ASCC3: variants seen among roughly 807,000 people sequenced by gnomAD.
ASCC3 encodes ASC-1 complex subunit P200.
ASCC3 carries 158 observed loss-of-function variants against 256.3 expected under a neutral mutation model. That is an observed-to-expected ratio of 0.62 (90% CI 0.54 to 0.70). The LOEUF (loss-of-function observed/expected upper bound fraction) is 0.70. ASCC3 is among the 30% of genes least tolerant of loss of function. The probability of loss-of-function intolerance (pLI) is 0.00; values close to 1 mark genes in which losing one functional copy is unlikely to be tolerated. For missense variants in ASCC3, 2,259 were observed against 2,626.0 expected (o/e 0.86, Z 3.05); for synonymous variants, 948 against 883.4 (o/e 1.07, Z -1.30).
intron 1 of ASCC3, among the ~76,000 whole-genome samples, chr6:100,878,604 T>G (rs1471237415): frequency 6.6e-6 from 1 of 152,172 alleles, no homozygotes; most frequent in African/African-American, 2.4e-5. Context: ...CAGTATGTAT[T>G]ATAACTCTTC....
At chr6:100,516,846 C>T (rs1458557620) in intron 38 of ASCC3, among the ~76,000 whole-genome samples, 1 of 152,008 alleles carries the variant, frequency 6.6e-6, no homozygotes, top group Non-Finnish European at 1.5e-5. Context: ...ATTGAAATTA[C>T]ATTAATACAG....
chr6:100,668,671 G>T (rs1445418345), intron 14 of ASCC3, among the ~76,000 whole-genome samples: 1 of 151,768 alleles, frequency 6.6e-6, no homozygotes, highest in Non-Finnish European at 1.5e-5. Flanking sequence ...AAATAGTAAA[G>T]AACTTTAGAA....
intron 36 of ASCC3, among the ~76,000 whole-genome samples, chr6:100,588,757 CTG>C (rs928460928): frequency 6.6e-6 from 1 of 151,948 alleles, no homozygotes; most frequent in Non-Finnish European, 1.5e-5. Context: ...AATTGAAAAA[CTG>C]TGAATGGGAT....
intron 14 of ASCC3, among the ~76,000 whole-genome samples, chr6:100,668,084 C>T (rs1044619866): frequency 8.6e-5 from 13 of 151,994 alleles, no homozygotes; most frequent in African/African-American, 3.1e-4. Flanking sequence ...TGGAAAACAG[C>T]CATATCAATT....
At chr6:100,684,627 G>A (rs1201031897) in intron 13 of ASCC3, among the ~76,000 whole-genome samples, 1 of 115,426 alleles carries the variant, frequency 8.7e-6, no homozygotes, top group East Asian at 2.8e-4. Context: ...TGACAACTAT[G>A]CACTTGTTTA....
At chr6:100,713,336 A>G (rs965172346) in intron 13 of ASCC3, among the ~76,000 whole-genome samples, 1 of 152,148 alleles carries the variant, frequency 6.6e-6, no homozygotes, top group African/African-American at 2.4e-5. Context: ...GCTACATACT[A>G]TGTGGTTCCA....
chr6:100,510,142 T>C lies in ASCC3; in HGVS notation c.6286-35A>G, dbSNP rs188528168. On this transcript the variant is annotated intron_variant, in intron 40 of 41. Coordinates refer to ENST00000369162, the MANE Select transcript of ASCC3 (RefSeq NM_006828.4). The stretch of plus-strand genomic sequence containing the variant: ...AGAAAAAAAGATACAACATTAAAAA[T>C]ATCTAGACTTCCTATACCACTTGGT... 288 of 1,610,832 alleles carry C rather than the reference T, an allele frequency of 1.8e-4. 4 individuals carry two copies. In the Admixed American group the frequency reaches 4.8e-3, roughly 27 times the overall value.
At chr6:100,779,954 T>A (rs2114254887) in intron 8 of ASCC3, among the ~76,000 whole-genome samples, 1 of 152,188 alleles carries the variant, frequency 6.6e-6, no homozygotes, top group Admixed American at 6.5e-5. Flanking sequence ...ACAAACAAAT[T>A]AATCCTAGAA....
At chr6:100,548,964 ATAAC>A (rs1423100942) in intron 36 of ASCC3, among the ~76,000 whole-genome samples, 2 of 151,994 alleles carry the variant, frequency 1.3e-5, no homozygotes, top group Non-Finnish European at 2.9e-5. Context: ...ATGAACAACA[ATAAC>A]TAATAATAAC....
intron 37 of ASCC3, among the ~76,000 whole-genome samples, chr6:100,527,236 C>G (rs1462903130): frequency 1.3e-5 from 2 of 152,116 alleles, no homozygotes; most frequent in African/African-American, 4.8e-5. Context: ...TACTTATAAT[C>G]TACCCATCTT....
chr6:100,581,706 T>C (rs974805418), intron 36 of ASCC3, among the ~76,000 whole-genome samples: 5 of 152,180 alleles, frequency 3.3e-5, no homozygotes, highest in Non-Finnish European at 5.9e-5. Context: ...CTAGGGTTTT[T>C]ATGGTTTTAG....
intron 10 of ASCC3, among the ~76,000 whole-genome samples, chr6:100,753,203 A>G (rs1226916886): frequency 6.6e-6 from 1 of 152,054 alleles, no homozygotes; most frequent in South Asian, 2.1e-4. Flanking sequence ...TTTATATTTC[A>G]TGTAAATTGA....
At chr6:100,518,853 T>G (rs1159754469) in intron 37 of ASCC3, among the ~76,000 whole-genome samples, 1 of 152,214 alleles carries the variant, frequency 6.6e-6, no homozygotes, top group Non-Finnish European at 1.5e-5. Flanking sequence ...TGGAGAATGC[T>G]GACTTAAAGA....
intron 13 of ASCC3, among the ~76,000 whole-genome samples, chr6:100,695,736 G>A (rs188718939): frequency 4.6e-5 from 7 of 152,208 alleles, no homozygotes; most frequent in Admixed American, 3.9e-4. Context: ...TCTCTCTCCA[G>A]AGGAGAGGAT....
intron 36 of ASCC3, among the ~76,000 whole-genome samples, chr6:100,576,415 T>C (rs1003382245): frequency 2.0e-5 from 3 of 152,068 alleles, no homozygotes; most frequent in Admixed American, 2.0e-4. Context: ...TTTTTAAAAG[T>C]ATATTTCTTA....
chr6:100,568,944 A>G (rs1770431061), intron 36 of ASCC3, among the ~76,000 whole-genome samples: 1 of 150,820 alleles, frequency 6.6e-6, no homozygotes, highest in African/African-American at 2.4e-5. Flanking sequence ...TGCCCAGCTA[A>G]TTTTTTTTGT....
At chr6:100,547,230 T>G (rs989353958) in intron 36 of ASCC3, among the ~76,000 whole-genome samples, 1 of 151,992 alleles carries the variant, frequency 6.6e-6, no homozygotes, top group Non-Finnish European at 1.5e-5. Context: ...TCACTCAAAA[T>G]GTATCATAGA....
At chr6:100,612,345 T>C (rs1328578179) in intron 30 of ASCC3, among the ~76,000 whole-genome samples, 1 of 152,008 alleles carries the variant, frequency 6.6e-6, no homozygotes, top group Non-Finnish European at 1.5e-5. Context: ...TCTGTCCTTT[T>C]GAATGTGATA....
Position 100,606,877 on chromosome 6 carries a change from AATATCTT to A in ASCC3, c.4924-24_4924-18del, listed in dbSNP as rs776865265. ...AATAAGAACCTAAAAAGCAAAATAA[AATATCTT>A]ATATCTAAGTAAAATATAACTTTTA... On this transcript the variant is annotated intron_variant, in intron 31 of 41. Coordinates refer to ENST00000369162, the MANE Select transcript of ASCC3 (RefSeq NM_006828.4). The A allele has an allele frequency of 1.3e-5, 21 of 1,608,712 alleles. 1 individual carries two copies. In the African/African-American group the frequency reaches 2.5e-4, roughly 20 times the overall value.
Sources: gnomAD v4.1 joint callset for allele counts (sites outside exome capture counted in the v4.1 genomes callset) on GRCh38, gnomAD v4.1.1 for gene constraint, MANE v1.5 for transcripts, NCBI Gene and HGNC (gene_info 2026-07-23, HGNC 2026-07-21) for gene names.